IL1RAP: variants seen among roughly 807,000 people sequenced by gnomAD.
IL1RAP encodes the protein interleukin-1 receptor accessory protein.
A neutral mutation model predicts 60.7 loss-of-function variants in IL1RAP; 35 were observed. The ratio of observed to expected loss-of-function variants is 0.58; its 90% confidence interval spans 0.44 to 0.76. IL1RAP has a LOEUF of 0.76. Ranked by LOEUF, IL1RAP falls within the 30% of genes least tolerant of loss-of-function variation. The probability of loss-of-function intolerance (pLI) is 0.00; values close to 1 mark genes in which losing one functional copy is unlikely to be tolerated. For missense variants in IL1RAP, 572 were observed against 693.9 expected, an observed-to-expected ratio of 0.82 and a Z score of 1.97; for synonymous variants, 268 against 250.9, an observed-to-expected ratio of 1.07 and a Z score of -0.64.
In IL1RAP at chr3:190,649,554, A is replaced by G. The variant is rs1370236541; in HGVS notation, c.*849A>G. The G allele has an allele frequency of 3.0e-6, 3 of 985,672 alleles. No homozygotes were observed. The African/African-American group carries it at 5.2e-5, about 17-fold the overall frequency. The allele number at this position is 985,672 out of a possible 1,614,324, so 61.1% of individuals were successfully genotyped here. ...AGGGAGGTAACAGAAAGACTCTTTT[A>G]GGGCATTTTTCTGACTCATGAAAAG... On this transcript the variant is annotated 3_prime_UTR_variant, in exon 12 of 12. Transcript: ENST00000447382.
At chr3:190,644,518 C>T in intron 10 of IL1RAP, 121 bp downstream of exon 10, 1 of 745,258 alleles carries the variant, frequency 1.3e-6, no homozygotes, top group Non-Finnish European at 2.2e-6. Context: ...AAGATTTAAG[C>T]AGATTAACTT....
intron 3 of IL1RAP, among the ~76,000 whole-genome samples, chr3:190,590,774 C>T (rs1346638351): frequency 6.6e-6 from 1 of 152,136 alleles, no homozygotes; most frequent in Non-Finnish European, 1.5e-5. Context: ...TGATTCTTAG[C>T]CTGCTTCATC....
rs75701880 is a variant in IL1RAP, at chr3:190,583,586, C to T, written c.64+19233C>T. On this transcript the variant is annotated intron_variant, in intron 3 of 11. Coordinates refer to ENST00000447382, the MANE Select transcript of IL1RAP (RefSeq NM_002182.4). Reference sequence around the variant, plus strand: ...GCTCACAATCTAGCAGCAAATTAGCCTCAAATAACAGTTACGCAAGGTACG... The same window carrying T: ...GCTCACAATCTAGCAGCAAATTAGCTTCAAATAACAGTTACGCAAGGTACG... 5.3e-5 allele frequency among the ~76,000 whole-genome samples: 8 copies of T among 152,282 alleles called. No homozygotes were observed. The East Asian group carries it at 1.2e-3, about 22-fold the overall frequency.
chr3:190,608,925 C>T (rs1468175037), intron 4 of IL1RAP, 70 bp from the exon 5 acceptor site: 2 of 1,193,568 alleles, frequency 1.7e-6, no homozygotes, highest in African/African-American at 3.0e-5. Flanking sequence ...TCACTTAGTT[C>T]ATTTGAATGT....
intron 5 of IL1RAP, among the ~76,000 whole-genome samples, chr3:190,613,462 C>T (rs533016878): frequency 5.3e-5 from 8 of 152,052 alleles, no homozygotes; most frequent in Non-Finnish European, 1.2e-4. Flanking sequence ...AGTTGAAGCA[C>T]TTAAGAAGAC....
intron 3 of IL1RAP, among the ~76,000 whole-genome samples, chr3:190,566,796 G>T (rs1046902560): frequency 6.6e-6 from 1 of 152,110 alleles, no homozygotes; most frequent in African/African-American, 2.4e-5. Context: ...GGCTAGTGGG[G>T]GAAGAAAGAA....
intron 1 of IL1RAP, among the ~76,000 whole-genome samples, chr3:190,531,431 A>T (rs903595035): frequency 1.3e-5 from 2 of 152,122 alleles, no homozygotes; most frequent in African/African-American, 4.8e-5. Flanking sequence ...CAGGACACCA[A>T]ACACAGGGTA....
chr3:190,644,978 T>C (rs1033673522), intron 10 of IL1RAP, among the ~76,000 whole-genome samples: 4 of 152,226 alleles, frequency 2.6e-5, no homozygotes, highest in African/African-American at 9.6e-5. Context: ...ATATCACGTG[T>C]AGCTTATTAG....
intron 6 of IL1RAP, among the ~76,000 whole-genome samples, chr3:190,621,451 A>G (rs75494176): frequency 0.011 from 1,724 of 152,362 alleles, 37 homozygotes; most frequent in African/African-American, 0.038. Context: ...CTAAATTTTA[A>G]AAGTCAAATG....
intron 11 of IL1RAP, among the ~76,000 whole-genome samples, chr3:190,646,356 T>C (rs1056217214): frequency 6.6e-5 from 10 of 152,186 alleles, no homozygotes; most frequent in Non-Finnish European, 1.0e-4. Flanking sequence ...TGGCATTTGC[T>C]CTTTTTTTTC....
chr3:190,654,952 C>T (rs1211717628), downstream of IL1RAP, among the ~76,000 whole-genome samples: 5 of 152,138 alleles, frequency 3.3e-5, no homozygotes, highest in African/African-American at 4.8e-5. Context: ...AATGGTTTGC[C>T]AGAAGTCTTA....
exon 12 of IL1RAP, chr3:190,657,125 T>C (rs749889438): frequency 6.6e-6 from 1 of 152,492 alleles, no homozygotes. Flanking sequence ...TGGCGTTCTC[T>C]GTCTCACTGT....
At chr3:190,565,421 G>A (rs1726298952) in intron 3 of IL1RAP, among the ~76,000 whole-genome samples, 1 of 152,136 alleles carries the variant, frequency 6.6e-6, no homozygotes, top group African/African-American at 2.4e-5. Flanking sequence ...GCCTTCAACT[G>A]TTTTTCATAT....
rs144668431 is a variant in IL1RAP, at chr3:190,582,257, C to G, written c.64+17904C>G. On this transcript the variant is annotated intron_variant, in intron 3 of 11. Coordinates refer to ENST00000447382, the MANE Select transcript of IL1RAP (RefSeq NM_002182.4). ...TTCCATGTGGCTCTTATCTGCTCCT[C>G]TCCATCTTAAGTATTATCCTAGTCC... Among the ~76,000 whole-genome samples, 915 of 151,838 alleles carry G rather than the reference C, an allele frequency of 6.0e-3. 4 individuals carry two copies. Among genetic ancestry groups the G allele is most frequent in the South Asian group, 0.02 (96 of 4,796 alleles).
intron 2 of IL1RAP, 87 bp from the exon 3 acceptor site, chr3:190,564,202 A>G (rs1408250007): frequency 7.2e-6 from 6 of 836,506 alleles, no homozygotes; most frequent in Admixed American, 1.8e-5. Context: ...CCTAGTCTAT[A>G]GTCAGCAGGC....
chr3:190,606,856 C>A (rs937581325), intron 4 of IL1RAP, among the ~76,000 whole-genome samples: 3 of 152,060 alleles, frequency 2.0e-5, no homozygotes, highest in African/African-American at 7.2e-5. Flanking sequence ...AAGTTAGTTT[C>A]GTCTTTCAGT....
At chr3:190,647,697 G>T (rs907539070) in intron 11 of IL1RAP, among the ~76,000 whole-genome samples, 92 of 152,226 alleles carry the variant, frequency 6.0e-4, no homozygotes, top group African/African-American at 2.1e-3. Flanking sequence ...GCCCACCGAG[G>T]ATGTGTTACC....
intron 1 of IL1RAP, among the ~76,000 whole-genome samples, chr3:190,519,235 T>G (rs1412108540): frequency 6.6e-6 from 1 of 152,174 alleles, no homozygotes; most frequent in African/African-American, 2.4e-5. Flanking sequence ...TTTGCAAAAG[T>G]TAAAGCTAAA....
chr3:190,540,033 G>A (rs1469541150), intron 1 of IL1RAP, among the ~76,000 whole-genome samples: 3 of 152,010 alleles, frequency 2.0e-5, no homozygotes, highest in African/African-American at 7.2e-5. Context: ...AATGCTACTT[G>A]TTTCATCTTA....
Sources: gnomAD v4.1 joint callset for allele counts (sites outside exome capture counted in the v4.1 genomes callset) on GRCh38, gnomAD v4.1.1 for gene constraint, MANE v1.5 for transcripts, NCBI Gene and HGNC (gene_info 2026-07-23, HGNC 2026-07-21) for gene names.